The following LINGO2 variants were observed in gnomAD, a reference collection of about 807,000 sequenced individuals.
LINGO2 encodes the protein leucine-rich repeat and immunoglobulin-like domain-containing nogo receptor-interacting protein 2.
LINGO2 carries 14 observed loss-of-function variants against 30.6 expected under a neutral mutation model. The observed-to-expected ratio is 0.46, with a 90% CI of 0.30 to 0.72. The LOEUF is 0.72. Among genes scored for constraint, LINGO2 ranks in the 30% least tolerant of loss-of-function variants. The probability of loss-of-function intolerance (pLI) is 0.07; values close to 1 mark genes in which losing one functional copy is unlikely to be tolerated. For missense variants in LINGO2, 729 were observed against 751.7 expected, an observed-to-expected ratio of 0.97 and a Z score of 0.35; for synonymous variants, 317 against 288.5, an observed-to-expected ratio of 1.10 and a Z score of -1.00.
chr9:28,927,251 A>G, the LINGO2 span, among the ~76,000 whole-genome samples: 1 of 152,210 alleles, frequency 6.6e-6, no homozygotes, highest in Non-Finnish European at 1.5e-5. Flanking sequence ...ATAGATCTGA[A>G]TTACCATTGA....
chr9:28,447,645 G>T (rs183198820), intron 2 of LINGO2, among the ~76,000 whole-genome samples: 1 of 152,292 alleles, frequency 6.6e-6, no homozygotes, highest in East Asian at 1.9e-4. Flanking sequence ...TGTTTCAAAA[G>T]ATTGAAACTG....
intron 1 of LINGO2, among the ~76,000 whole-genome samples, chr9:28,542,912 T>C (rs1821765482): frequency 6.6e-6 from 1 of 152,124 alleles, no homozygotes; most frequent in Middle Eastern, 3.4e-3. Context: ...ATTCAGGGTC[T>C]GAAAGAAGAG....
At chr9:28,471,936 G>A (rs1297435438) in intron 2 of LINGO2, among the ~76,000 whole-genome samples, 3 of 152,066 alleles carry the variant, frequency 2.0e-5, no homozygotes, top group Non-Finnish European at 2.9e-5. Flanking sequence ...TTGAGACCAA[G>A]AGGCCACACA....
chr9:28,117,239 G>A (rs541151904), intron 4 of LINGO2, among the ~76,000 whole-genome samples: 4 of 151,900 alleles, frequency 2.6e-5, no homozygotes, highest in Non-Finnish European at 4.4e-5. Flanking sequence ...CAGGGGTCAG[G>A]GACCCACTTG....
the LINGO2 span, among the ~76,000 whole-genome samples, chr9:28,926,777 T>C: frequency 6.6e-6 from 1 of 152,216 alleles, no homozygotes; most frequent in South Asian, 2.1e-4. Flanking sequence ...TTAAATTCAG[T>C]TGAAGTAGAA....
At chr9:28,768,179 G>C in the LINGO2 span, among the ~76,000 whole-genome samples, 1 of 152,176 alleles carries the variant, frequency 6.6e-6, no homozygotes, top group East Asian at 1.9e-4. Context: ...ATAAATGCTT[G>C]ATGTTTTCTC....
chr9:28,023,750 G>T (rs1017811394), intron 4 of LINGO2, among the ~76,000 whole-genome samples: 1 of 152,154 alleles, frequency 6.6e-6, no homozygotes, highest in Non-Finnish European at 1.5e-5. Context: ...CCCTGCCAAA[G>T]CCAAGAAGAG....
intron 4 of LINGO2, among the ~76,000 whole-genome samples, chr9:28,034,129 C>G (rs936803413): frequency 2.0e-5 from 3 of 152,136 alleles, no homozygotes; most frequent in Admixed American, 1.3e-4. Flanking sequence ...CTACCTTAAA[C>G]CTGTGAGGTG....
At position 28,648,224 on chromosome 9, in the gene LINGO2, T is replaced by G. The variant is rs144203768; in HGVS notation, c.-365+21976A>C. On this transcript the variant is annotated intron_variant, in intron 1 of 5. Transcript: ENST00000379992. The stretch of plus-strand genomic sequence containing the variant: ...TCAGGTGATGCTTTGCAAAAAAATA[T>G]AATATGTAATCCATTCAACTCAGAA... Among the ~76,000 whole-genome samples the G allele has an allele frequency of 1.6e-3, 248 of 152,212 alleles. 2 individuals are homozygous for G. Among genetic ancestry groups the G allele is most frequent in the African/African-American group, 5.8e-3 (239 of 41,548 alleles).
chr9:28,517,050 A>C (rs1382496370), intron 1 of LINGO2, among the ~76,000 whole-genome samples: 2 of 152,348 alleles, frequency 1.3e-5, no homozygotes, highest in East Asian at 3.9e-4. Context: ...AATATCACTT[A>C]GGCCCTTCGT....
At chr9:27,977,105 C>T (rs537558080) in intron 5 of LINGO2, among the ~76,000 whole-genome samples, 30 of 149,976 alleles carry the variant, frequency 2.0e-4, no homozygotes, top group East Asian at 9.8e-4. Flanking sequence ...TCAATAATTA[C>T]GTAATATTAT....
chr9:28,258,241 A>C (rs1386449409), intron 4 of LINGO2, among the ~76,000 whole-genome samples: 1 of 151,920 alleles, frequency 6.6e-6, no homozygotes, highest in Non-Finnish European at 1.5e-5. Flanking sequence ...TCACTGGAGT[A>C]AAAATGCTTC....
the LINGO2 span, among the ~76,000 whole-genome samples, chr9:29,102,922 C>T: frequency 6.6e-6 from 1 of 151,952 alleles, no homozygotes; most frequent in Non-Finnish European, 1.5e-5. Context: ...ACTCAAAAAC[C>T]AACATGTATT....
chr9:29,038,673 G>GAAA, the LINGO2 span, among the ~76,000 whole-genome samples: 183 of 126,024 alleles, frequency 1.5e-3, 4 homozygotes, highest in African/African-American at 5.0e-3. Flanking sequence ...TCACTACTCA[G>GAAA]AAAAAAAAAA....
chr9:28,401,570 A>G (rs146700876), intron 2 of LINGO2, among the ~76,000 whole-genome samples: 3,568 of 152,194 alleles, frequency 0.023, 56 homozygotes, highest in East Asian at 0.043. Context: ...TGTCTTTGCT[A>G]TTGTAAATAG....
chr9:28,345,921 C>T (rs1214338152), intron 3 of LINGO2, among the ~76,000 whole-genome samples: 4 of 151,990 alleles, frequency 2.6e-5, no homozygotes, highest in African/African-American at 9.7e-5. Context: ...GACAGCGATC[C>T]CATTGGAATT....
intron 4 of LINGO2, among the ~76,000 whole-genome samples, chr9:28,016,376 T>G (rs1822838264): frequency 6.6e-6 from 1 of 152,134 alleles, no homozygotes; most frequent in African/African-American, 2.4e-5. Context: ...TTTTATCTTC[T>G]AGGATATTTT....
chr9:28,407,303 G>T (rs1587627025), intron 2 of LINGO2, among the ~76,000 whole-genome samples: 1 of 151,914 alleles, frequency 6.6e-6, no homozygotes, highest in African/African-American at 2.4e-5. Flanking sequence ...CCAGAGTAAG[G>T]TTATAGAAAA....
chr9:28,504,812 A>G (rs1221742846), intron 1 of LINGO2, among the ~76,000 whole-genome samples: 1 of 151,942 alleles, frequency 6.6e-6, no homozygotes, highest in Non-Finnish European at 1.5e-5. Context: ...AGAAGTAAAG[A>G]GGCAGAATAT....
Sources: gnomAD v4.1 joint callset for allele counts (sites outside exome capture counted in the v4.1 genomes callset) on GRCh38, gnomAD v4.1.1 for gene constraint, MANE v1.5 for transcripts, NCBI Gene and HGNC (gene_info 2026-07-23, HGNC 2026-07-21) for gene names.